SLC25A21: variants seen among roughly 807,000 people sequenced by gnomAD.
SLC25A21 encodes solute carrier family 25 member 21, also known as mitochondrial 2-oxodicarboxylate carrier.
In SLC25A21, 47 loss-of-function variants were observed where a neutral mutation model predicts 43.8. The ratio of observed to expected loss-of-function variants is 1.07; its 90% CI spans 0.85 to 1.37. SLC25A21 has a LOEUF of 1.37. Ranked by LOEUF, SLC25A21 falls within the 40% of genes most tolerant of loss-of-function variation. The probability of loss-of-function intolerance (pLI) is 0.00; values close to 1 mark genes in which losing one functional copy is unlikely to be tolerated. For missense variants in SLC25A21, 352 were observed against 350.2 expected (o/e 1.00, Z -0.04); for synonymous variants, 131 against 121.3 (o/e 1.08, Z -0.52).
At chr14:37,144,681 T>A (rs1288911092) in intron 1 of SLC25A21, among the ~76,000 whole-genome samples, 1 of 152,216 alleles carries the variant, frequency 6.6e-6, no homozygotes, top group Non-Finnish European at 1.5e-5. Flanking sequence ...GTTTCTAGAA[T>A]GTAAACAGAA....
intron 1 of SLC25A21, among the ~76,000 whole-genome samples, chr14:37,016,290 T>G (rs1360512857): frequency 6.6e-6 from 1 of 152,172 alleles, no homozygotes. Flanking sequence ...CACCATTTAT[T>G]AAATAGGGAA....
intron 1 of SLC25A21, among the ~76,000 whole-genome samples, chr14:36,946,414 G>A (rs1198445955): frequency 2.0e-5 from 3 of 152,038 alleles, no homozygotes; most frequent in Non-Finnish European, 4.4e-5. Context: ...AGTTTACCAT[G>A]AGTAAACTTA....
At chr14:36,783,910 C>T (rs183032845) in intron 3 of SLC25A21, among the ~76,000 whole-genome samples, 29 of 152,300 alleles carry the variant, frequency 1.9e-4, no homozygotes, top group Admixed American at 5.2e-4. Context: ...CTGTACCCGA[C>T]TTCCCACCCC....
chr14:36,744,938 C>A (rs1405865449), intron 3 of SLC25A21, among the ~76,000 whole-genome samples: 1 of 151,944 alleles, frequency 6.6e-6, no homozygotes, highest in African/African-American at 2.4e-5. Context: ...TATACATGTG[C>A]CATGTTGGTT....
chr14:36,811,359 C>T (rs1452071536), intron 3 of SLC25A21, among the ~76,000 whole-genome samples: 1 of 152,040 alleles, frequency 6.6e-6, no homozygotes, highest in Admixed American at 6.6e-5. Context: ...GTGAAAAAGG[C>T]AGCAGCATTG....
intron 1 of SLC25A21, among the ~76,000 whole-genome samples, chr14:36,946,950 CTATT>C (rs1566760968): frequency 6.6e-6 from 1 of 152,152 alleles, no homozygotes; most frequent in East Asian, 1.9e-4. Context: ...ATTCTGGACA[CTATT>C]TATCTTTAGT....
In SLC25A21 at chr14:36,863,622, C is replaced by T. The variant is rs138722773; in HGVS notation, c.119+11334G>A. Among the ~76,000 whole-genome samples the T allele has an allele frequency of 9.0e-3, 1,375 of 152,258 alleles. 14 individuals are homozygous for T. The highest frequency in any genetic ancestry group is 0.014 in the Middle Eastern group (4 of 294). ...TATTTTATGTGGGGAGAACTGACTGCATTTTTTTAAAAGAGGATTTTCCTC... is the reference window on the plus strand; with the variant it reads ...TATTTTATGTGGGGAGAACTGACTGTATTTTTTTAAAAGAGGATTTTCCTC... On this transcript the variant is annotated intron_variant, in intron 2 of 9. Coordinates refer to ENST00000331299, the MANE Select transcript of SLC25A21 (RefSeq NM_030631.4).
At chr14:37,034,600 T>A (rs1409324487) in intron 1 of SLC25A21, among the ~76,000 whole-genome samples, 1 of 152,192 alleles carries the variant, frequency 6.6e-6, no homozygotes, top group Admixed American at 6.5e-5. Flanking sequence ...GCCTGGTACA[T>A]GTGGAGGTCA....
intron 1 of SLC25A21, among the ~76,000 whole-genome samples, chr14:36,931,995 T>C (rs1244494450): frequency 1.3e-5 from 2 of 152,150 alleles, no homozygotes; most frequent in African/African-American, 2.4e-5. Context: ...TGCTATGAAA[T>C]AGTCATGAAA....
At chr14:37,111,964 A>G (rs1444506973) in intron 1 of SLC25A21, among the ~76,000 whole-genome samples, 1 of 152,214 alleles carries the variant, frequency 6.6e-6, no homozygotes, top group Non-Finnish European at 1.5e-5. Flanking sequence ...TGTTCATTCA[A>G]TAAATTGTTT....
intron 1 of SLC25A21, among the ~76,000 whole-genome samples, chr14:36,996,363 A>G (rs1960371932): frequency 1.3e-5 from 2 of 152,158 alleles, no homozygotes; most frequent in African/African-American, 4.8e-5. Flanking sequence ...TCTATTGCAT[A>G]TGGTAACAGA....
intron 7 of SLC25A21, among the ~76,000 whole-genome samples, chr14:36,709,755 A>C (rs1255652995): frequency 6.6e-6 from 1 of 152,282 alleles, no homozygotes; most frequent in Non-Finnish European, 1.5e-5. Flanking sequence ...GCTGGGCAAA[A>C]ACAGGTACAA....
At chr14:36,858,301 G>T (rs1889962613) in intron 2 of SLC25A21, among the ~76,000 whole-genome samples, 1 of 152,072 alleles carries the variant, frequency 6.6e-6, no homozygotes. Context: ...GCCTCAGAAG[G>T]TTCTCCGAAG....
chr14:36,984,856 G>T (rs1490913023), intron 1 of SLC25A21, among the ~76,000 whole-genome samples: 1 of 151,814 alleles, frequency 6.6e-6, no homozygotes, highest in Non-Finnish European at 1.5e-5. Context: ...AAATCATGCT[G>T]CTATAAAGAC....
chr14:36,779,626 ATATATATATATATATATG>A (rs1233458812), intron 3 of SLC25A21, among the ~76,000 whole-genome samples: 1 of 142,246 alleles, frequency 7.0e-6, no homozygotes, highest in African/African-American at 2.6e-5. Context: ...ATATATATAT[ATATATATATATATATATG>A]TATACATACA....
At chr14:36,836,134 G>C (rs1407541162) in intron 2 of SLC25A21, among the ~76,000 whole-genome samples, 2 of 152,172 alleles carry the variant, frequency 1.3e-5, no homozygotes, top group African/African-American at 4.8e-5. Flanking sequence ...GGTTATCTAG[G>C]AAGTTATAAT....
chr14:37,145,470 C>CAGAG (rs1165586602), intron 1 of SLC25A21, among the ~76,000 whole-genome samples: 1 of 76,194 alleles, frequency 1.3e-5, no homozygotes, highest in South Asian at 6.0e-4. Flanking sequence ...CACACACACA[C>CAGAG]ACACACAGAG....
At chr14:37,011,160 T>TACAGGTATCAGCCACCGTGCCC (rs2138739165) in intron 1 of SLC25A21, among the ~76,000 whole-genome samples, 1 of 152,290 alleles carries the variant, frequency 6.6e-6, no homozygotes, top group Admixed American at 6.5e-5. Context: ...CTGCGGGGCT[T>TACAGGTATCAGCCACCGTGCCC]ACAGGTATCA....
At chr14:37,054,673 G>C (rs1251937631) in intron 1 of SLC25A21, among the ~76,000 whole-genome samples, 1 of 151,794 alleles carries the variant, frequency 6.6e-6, no homozygotes, top group African/African-American at 2.4e-5. Context: ...GTGTTGAGAA[G>C]TTTGACAAGA....
Sources: gnomAD v4.1 joint callset for allele counts (sites outside exome capture counted in the v4.1 genomes callset) on GRCh38, gnomAD v4.1.1 for gene constraint, MANE v1.5 for transcripts, NCBI Gene and HGNC (gene_info 2026-07-23, HGNC 2026-07-21) for gene names.